PCLO: variants seen among roughly 807,000 people sequenced by gnomAD.
PCLO encodes piccolo presynaptic cytomatrix protein, also known as protein piccolo.
PCLO carries 82 observed loss-of-function variants against 427.5 expected under a neutral mutation model. The ratio of observed to expected loss-of-function variants is 0.19; its 90% CI spans 0.16 to 0.23. The LOEUF (loss-of-function observed/expected upper bound fraction) is 0.23. Among genes scored for constraint, PCLO ranks in the 10% least tolerant of loss-of-function variants. PCLO has a pLI of 1.00. For missense variants in PCLO, 6,239 were observed against 6,115.9 expected (o/e 1.02, Z -0.67); for synonymous variants, 2,357 against 2,155.4 (o/e 1.09, Z -2.59).
chr7:82,882,676 T>C (rs1300156399), intron 9 of PCLO, among the ~76,000 whole-genome samples: 1 of 152,104 alleles, frequency 6.6e-6, no homozygotes, highest in African/African-American at 2.4e-5. Context: ...AATTCAATGA[T>C]AAAAGTGGCA....
At chr7:82,818,376 G>A (rs570181144) in intron 20 of PCLO, among the ~76,000 whole-genome samples, 2 of 152,248 alleles carry the variant, frequency 1.3e-5, no homozygotes, top group East Asian at 3.9e-4. Flanking sequence ...GCCTACAGAT[G>A]GACCCGCAGC....
chr7:82,954,867 A>G lies in PCLO; in HGVS notation c.6086T>C (p.Ile2029Thr), dbSNP rs541483075. The G allele has an allele frequency of 4.3e-6, 7 of 1,613,968 alleles. No homozygotes were observed. The highest frequency in any genetic ancestry group is 3.3e-5 in the Admixed American group (2 of 60,020). Reference protein sequence around the residue: ...SLHSVVPQEDIVSSSFIIPES... With the variant: ...SLHSVVPQEDTVSSSFIIPES... ...TGGGATGATAAAAGAGCTTGAAACA[A>G]TATCTTCCTGAGGCACAACAGAATG... Residue 2029 changes from isoleucine (I) to threonine (T), a missense_variant, in exon 5 of 25, where the codon ATT (isoleucine) becomes ACT (threonine). Physicochemically the swap from Ile to Thr is moderately conservative, Grantham distance 89. Transcript: ENST00000333891.
intron 2 of PCLO, among the ~76,000 whole-genome samples, 190 bp downstream of exon 2, chr7:83,154,558 A>G (rs1792217719): frequency 1.3e-5 from 2 of 152,174 alleles, no homozygotes; most frequent in South Asian, 4.1e-4. Context: ...AAATTGTGGC[A>G]ATGTTTGAGG....
intron 3 of PCLO, among the ~76,000 whole-genome samples, chr7:83,039,657 A>G (rs1171210656): frequency 1.3e-5 from 2 of 152,060 alleles, no homozygotes; most frequent in Non-Finnish European, 2.9e-5. Context: ...GTTCTTTGTC[A>G]AGCTCATTTT....
intron 3 of PCLO, among the ~76,000 whole-genome samples, chr7:83,133,274 A>C (rs1791620110): frequency 6.6e-6 from 1 of 152,002 alleles, no homozygotes; most frequent in African/African-American, 2.4e-5. Context: ...TAACAAAATC[A>C]AGGACATTGG....
chr7:83,028,358 T>C (rs1268073835), intron 3 of PCLO, among the ~76,000 whole-genome samples: 3,225 of 149,274 alleles, frequency 0.022, 75 homozygotes, highest in African/African-American at 0.076. Context: ...CCATTCACAA[T>C]TGCTTCAAGG....
At chr7:82,948,101 C>T (rs1369859693) in intron 6 of PCLO, among the ~76,000 whole-genome samples, 1 of 151,986 alleles carries the variant, frequency 6.6e-6, no homozygotes, top group African/African-American at 2.4e-5. Context: ...TATATACCTA[C>T]ACATTATATA....
At chr7:82,797,898 G>A (rs1454564940) in intron 22 of PCLO, among the ~76,000 whole-genome samples, 1 of 152,094 alleles carries the variant, frequency 6.6e-6, no homozygotes, top group East Asian at 1.9e-4. Flanking sequence ...GAAAATTATT[G>A]TTTTTAAATT....
chr7:83,030,139 A>AAAAAAAAAAAAAAG (rs1788627976), intron 3 of PCLO, among the ~76,000 whole-genome samples: 1 of 150,262 alleles, frequency 6.7e-6, no homozygotes, highest in Non-Finnish European at 1.5e-5. Flanking sequence ...AAAAAAGAAA[A>AAAAAAAAAAAAAAG]GAAAAGACTC....
At position 82,953,421 on chromosome 7, in the gene PCLO, G is replaced by A. The variant is rs1263974939; in HGVS notation, c.7532C>T (p.Ala2511Val). The A allele has an allele frequency of 6.2e-7, 1 of 1,613,454 alleles. No homozygotes were observed. The highest frequency in any genetic ancestry group is 8.5e-7 in the Non-Finnish European group (1 of 1,179,820). Residue 2511 changes from alanine to valine, a missense_variant, in exon 5 of 25, where the codon GCC becomes GTC. By Grantham distance (64) the Ala-to-Val change is moderately conservative. Transcript: ENST00000333891. ...AAGCTGAGGAATCACTGGTTTGGGG[G>A]CGATTGGAGGTTTGCTTGGCTCAGG... The part of the protein sequence containing the change: ...HRPEPSKPPI[A>V]PKPVIPQLPT...
At chr7:83,111,260 T>A (rs1037363421) in intron 3 of PCLO, among the ~76,000 whole-genome samples, 2 of 152,212 alleles carry the variant, frequency 1.3e-5, no homozygotes, top group Non-Finnish European at 2.9e-5. Context: ...CCCCCAAGAT[T>A]TCTGCCTTCT....
At chr7:82,847,279 C>G in intron 10 of PCLO, 32 bp from the exon 11 acceptor site, 1 of 1,221,892 alleles carries the variant, frequency 8.2e-7, no homozygotes, top group East Asian at 2.4e-5. Flanking sequence ...TAAAATCAAA[C>G]GTGTGCTATC....
At chr7:83,131,505 G>A (rs1465384449) in intron 3 of PCLO, among the ~76,000 whole-genome samples, 1 of 152,088 alleles carries the variant, frequency 6.6e-6, no homozygotes, top group African/African-American at 2.4e-5. Flanking sequence ...GGGAGAGGGG[G>A]CCAGGGTGGC....
In PCLO at chr7:82,838,362, A is replaced by G. The variant is rs375976808; in HGVS notation, c.14098-20T>C. On this transcript the variant is annotated intron_variant, in intron 14 of 24. Transcript: ENST00000333891. ...TTGAAGCTTTAGGAGAGAGAAAAAT[A>G]TTCCATAAGTTTTTAAAAGCATGTT... 3.7e-6 allele frequency: 5 copies of G among 1,369,038 alleles called. No homozygotes were observed. Among genetic ancestry groups the G allele is most frequent in the Non-Finnish European group, 5.0e-6 (5 of 998,314 alleles). The allele number at this position is 1,369,038 out of a possible 1,614,324, so 84.8% of individuals were successfully genotyped here.
Position 82,915,428 on chromosome 7 carries a change from T to G in PCLO, c.12558A>C (p.Gln4186His). ...GTGATTTCTTATGCTTTGACTGCTT[T>G]TGATAAAGTATGGCTGCTGGCAGTT... Reference protein sequence around the residue: ...AKQLPAAILYQKQSKHKKSLI... With the variant: ...AKQLPAAILYHKQSKHKKSLI... Residue 4186 changes from glutamine to histidine, a missense_variant, in exon 7 of 25, where the codon CAA becomes CAC. By Grantham distance (24) the Gln-to-His change is conservative. Coordinates refer to ENST00000333891, the MANE Select transcript of PCLO (RefSeq NM_033026.6). The G allele has an allele frequency of 6.2e-7, 1 of 1,613,662 alleles. No homozygotes were observed.
rs1795330962 is a variant in PCLO at position 82,951,012 on chromosome 7, A to G, written c.9576T>C (p.Pro3192=). ...GAGCACTTTCATCTCCCACCACTTC[A>G]GGAAACACTTCGGATGCTGTGGTTA... is the stretch of plus-strand genomic sequence containing the variant. ...PTLTTASEVF[P]EVVGDESALL... The change falls in exon 6 of 25, where the codon CCT becomes CCC. Residue 3192 remains proline (P), a synonymous_variant. Transcript: ENST00000333891. 6.2e-7 allele frequency: 1 copy of G among 1,613,858 alleles called. No homozygotes were observed. Among genetic ancestry groups the G allele is most frequent in the Non-Finnish European group, 8.5e-7 (1 of 1,179,838 alleles).
chr7:83,146,160 A>G (rs1435701204), intron 2 of PCLO, among the ~76,000 whole-genome samples: 1 of 152,224 alleles, frequency 6.6e-6, no homozygotes, highest in Non-Finnish European at 1.5e-5. Flanking sequence ...TTCATATTGA[A>G]GTAAGATAAA....
At chr7:82,804,411 T>C (rs974542762) in intron 21 of PCLO, among the ~76,000 whole-genome samples, 4 of 152,242 alleles carry the variant, frequency 2.6e-5, no homozygotes, top group African/African-American at 9.6e-5. Context: ...TTTTCACTAA[T>C]GCTTTGCTTT....
chr7:82,943,727 G>A (rs1795136742), intron 6 of PCLO, among the ~76,000 whole-genome samples: 1 of 151,950 alleles, frequency 6.6e-6, no homozygotes, highest in Non-Finnish European at 1.5e-5. Context: ...TGGAGCTCTG[G>A]TTTATGGAAT....
Sources: allele counts gnomAD v4.1 joint callset (sites outside exome capture counted in the v4.1 genomes callset), GRCh38; gene constraint gnomAD v4.1.1; transcripts MANE v1.5; gene names NCBI Gene and HGNC (gene_info 2026-07-23, HGNC 2026-07-21).